The following GPR158 variants were observed in gnomAD, a reference collection of about 807,000 sequenced individuals.
GPR158 encodes metabotropic glycine receptor.
A neutral mutation model predicts 78.2 loss-of-function variants in GPR158; 30 were observed. The observed-to-expected ratio is 0.38, with a 90% CI of 0.29 to 0.52. GPR158 has a LOEUF of 0.52. Among genes scored for constraint, GPR158 ranks in the 20% least tolerant of loss-of-function variants. GPR158 has a pLI of 0.83. For synonymous variants in GPR158, 581 were observed against 591.1 expected (o/e 0.98, Z 0.25); for missense variants, 1,463 against 1,523.5 (o/e 0.96, Z 0.66).
At chr10:25,465,434 C>A (rs1835408580) in intron 4 of GPR158, among the ~76,000 whole-genome samples, 3 of 152,048 alleles carry the variant, frequency 2.0e-5, no homozygotes, top group African/African-American at 7.2e-5. Flanking sequence ...TTATTTCTTG[C>A]TTCAATTCTA....
At chr10:25,592,471 T>C (rs546692177) in intron 8 of GPR158, among the ~76,000 whole-genome samples, 209 of 152,166 alleles carry the variant, frequency 1.4e-3, no homozygotes, top group African/African-American at 4.9e-3. Flanking sequence ...CTTTTAGACC[T>C]ATGTTTTAAA....
intron 5 of GPR158, among the ~76,000 whole-genome samples, chr10:25,493,838 C>CA (rs970480363): frequency 1.3e-4 from 20 of 152,290 alleles, no homozygotes; most frequent in African/African-American, 4.8e-4. Context: ...TTAGACTTAA[C>CA]AAAACAGATG....
At chr10:25,457,262 G>A (rs1835303926) in intron 4 of GPR158, among the ~76,000 whole-genome samples, 1 of 150,236 alleles carries the variant, frequency 6.7e-6, no homozygotes, top group African/African-American at 2.5e-5. Flanking sequence ...CCCAAAGTGC[G>A]GGATTACAGA....
intron 2 of GPR158, among the ~76,000 whole-genome samples, chr10:25,255,084 G>A (rs1853873270): frequency 6.6e-6 from 1 of 152,138 alleles, no homozygotes; most frequent in African/African-American, 2.4e-5. Flanking sequence ...CTCCAGTTAT[G>A]TAAATGATTT....
chr10:25,221,642 T>C (rs576188949), intron 2 of GPR158, among the ~76,000 whole-genome samples: 1 of 152,250 alleles, frequency 6.6e-6, no homozygotes, highest in African/African-American at 2.4e-5. Context: ...TGTGTATATG[T>C]GTGTGTATTT....
chr10:25,255,810 T>C (rs926936906), intron 2 of GPR158, among the ~76,000 whole-genome samples: 12 of 152,340 alleles, frequency 7.9e-5, no homozygotes, highest in African/African-American at 2.9e-4. Flanking sequence ...CAAAATCAAC[T>C]GATTTGAGAT....
chr10:25,395,968 G>A lies in GPR158; in HGVS notation c.1066G>A (p.Ala356Thr). Residue 356 changes from alanine (A) to threonine (T), a missense_variant, in exon 3 of 11, where the codon GCA becomes ACA. Transcript: ENST00000376351. ...VLGAYECICKAGFYHPGVLPV... is the reference protein window; with the variant it reads ...VLGAYECICKTGFYHPGVLPV... ...TGGAGCCTATGAGTGCATTTGCAAAGCAGGATTCTATCATCCTGGAGTCTT... is the reference window on the plus strand; with the variant it reads ...TGGAGCCTATGAGTGCATTTGCAAAACAGGATTCTATCATCCTGGAGTCTT... 6.2e-7 allele frequency: 1 copy of A among 1,610,306 alleles called. No homozygotes were observed.
chr10:25,465,666 T>G (rs1480328083), intron 4 of GPR158, among the ~76,000 whole-genome samples: 1 of 152,204 alleles, frequency 6.6e-6, no homozygotes, highest in Non-Finnish European at 1.5e-5. Context: ...GAAGCTGTGT[T>G]TGTGAGTTTT....
At chr10:25,349,310 T>C (rs74123867) in intron 2 of GPR158, among the ~76,000 whole-genome samples, 9,003 of 151,856 alleles carry the variant, frequency 0.059, 694 homozygotes, top group African/African-American at 0.18. Flanking sequence ...TGTGATCACA[T>C]TGGGCCCAGG....
chr10:25,400,712 T>C (rs146279900), intron 3 of GPR158, among the ~76,000 whole-genome samples: 1 of 152,342 alleles, frequency 6.6e-6, no homozygotes, highest in East Asian at 1.9e-4. Flanking sequence ...TCTATCTTAG[T>C]ATGGATTCTG....
At chr10:25,210,162 G>C (rs1419328359) in intron 1 of GPR158, among the ~76,000 whole-genome samples, 1 of 152,118 alleles carries the variant, frequency 6.6e-6, no homozygotes, top group Non-Finnish European at 1.5e-5. Flanking sequence ...TTTACAACTA[G>C]CCTGTGCAGT....
chr10:25,499,225 T>C (rs1835922175), intron 5 of GPR158, among the ~76,000 whole-genome samples: 1 of 152,162 alleles, frequency 6.6e-6, no homozygotes, highest in Non-Finnish European at 1.5e-5. Flanking sequence ...ACCAATAACA[T>C]CGCAATTTCC....
intron 3 of GPR158, among the ~76,000 whole-genome samples, chr10:25,403,355 G>A (rs1834470142): frequency 6.6e-6 from 1 of 151,980 alleles, no homozygotes; most frequent in Non-Finnish European, 1.5e-5. Context: ...GAACGTTTTA[G>A]ATTCCTCAGA....
chr10:25,402,065 A>G (rs1834454556), intron 3 of GPR158, among the ~76,000 whole-genome samples: 1 of 152,252 alleles, frequency 6.6e-6, no homozygotes, highest in East Asian at 1.9e-4. Context: ...CACCTTCCCA[A>G]GTAATTAATC....
intron 2 of GPR158, among the ~76,000 whole-genome samples, chr10:25,363,047 AT>A (rs1410608674): frequency 1.3e-5 from 2 of 151,214 alleles, no homozygotes; most frequent in African/African-American, 4.9e-5. Flanking sequence ...CTTCCATTTG[AT>A]TGTAGTCTCT....
chr10:25,181,004 C>G (rs1434213241), intron 1 of GPR158, among the ~76,000 whole-genome samples: 5 of 152,220 alleles, frequency 3.3e-5, no homozygotes, highest in African/African-American at 1.2e-4. Flanking sequence ...CTTTCTCTCC[C>G]TCACACAAGA....
At chr10:25,365,762 A>G (rs1236390170) in intron 2 of GPR158, among the ~76,000 whole-genome samples, 7 of 151,660 alleles carry the variant, frequency 4.6e-5, no homozygotes, top group Admixed American at 1.3e-4. Flanking sequence ...TGACATATAA[A>G]TGTTTCATAA....
At chr10:25,353,971 CT>C (rs987516094) in intron 2 of GPR158, among the ~76,000 whole-genome samples, 1 of 151,954 alleles carries the variant, frequency 6.6e-6, no homozygotes, top group African/African-American at 2.4e-5. Flanking sequence ...GTCTTCATTT[CT>C]TTTTAGTGAA....
chr10:25,543,107 C>CTTTTTATTTTTTA lies in GPR158; in HGVS notation c.1405-7857_1405-7845dup, dbSNP rs1836610274. ...GAGGGCTGTTTCTACCACAGCAATACTTTTTATTTTTTATTTTTATTTTTA... is the reference window on the plus strand; with the variant it reads ...GAGGGCTGTTTCTACCACAGCAATACTTTTTATTTTTTATTTTTATTTTTTATTTTTATTTTTA... On this transcript the variant is annotated intron_variant, in intron 5 of 10. Transcript: ENST00000376351. 2.0e-5 allele frequency among the ~76,000 whole-genome samples: 3 copies of CTTTTTATTTTTTA among 152,114 alleles called. No individual in the cohort carries two copies. The South Asian group carries it at 6.2e-4, about 32-fold the overall frequency.
Sources: gnomAD v4.1 joint callset for allele counts (sites outside exome capture counted in the v4.1 genomes callset) on GRCh38, gnomAD v4.1.1 for gene constraint, MANE v1.5 for transcripts, NCBI Gene and HGNC (gene_info 2026-07-23, HGNC 2026-07-21) for gene names.